Variants in USP24 observed in about 807,000 individuals in gnomAD.
USP24 encodes the protein ubiquitin carboxyl-terminal hydrolase 24.
USP24 carries 97 observed loss-of-function variants against 361.6 expected under a neutral mutation model. The ratio of observed to expected loss-of-function variants is 0.27; its 90% confidence interval spans 0.23 to 0.32. The LOEUF (loss-of-function observed/expected upper bound fraction) is 0.32. Ranked by LOEUF, USP24 falls within the 10% of genes least tolerant of loss-of-function variation. USP24 has a pLI of 1.00. For missense variants in USP24, 2,353 were observed against 3,165.6 expected, an observed-to-expected ratio of 0.74 and a Z score of 6.16; for synonymous variants, 1,098 against 1,124.6, an observed-to-expected ratio of 0.98 and a Z score of 0.47.
intron 1 of USP24, among the ~76,000 whole-genome samples, chr1:55,204,908 T>C (rs1644666949): frequency 6.6e-6 from 1 of 152,206 alleles, no homozygotes; most frequent in South Asian, 2.1e-4. Context: ...TTAAATCTAG[T>C]TTTTATTCTG....
intron 1 of USP24, among the ~76,000 whole-genome samples, chr1:55,197,036 A>C: frequency 6.6e-6 from 1 of 152,244 alleles, no homozygotes; most frequent in East Asian, 1.9e-4. Context: ...TTCATACTAT[A>C]ATAGCTAAGT....
intron 38 of USP24, among the ~76,000 whole-genome samples, chr1:55,115,427 C>A (rs1388321192): frequency 7.9e-6 from 1 of 125,918 alleles, no homozygotes; most frequent in Non-Finnish European, 1.6e-5. Context: ...ACCTGGGAGG[C>A]GGAGCTTGCA....
chr1:55,079,115 G>A (rs906685056), intron 60 of USP24, among the ~76,000 whole-genome samples: 18 of 152,152 alleles, frequency 1.2e-4, no homozygotes, highest in Non-Finnish European at 2.9e-5. Context: ...GGGAAGGTTG[G>A]ATTGAGGATG....
chr1:55,115,131 GA>G (rs1169414515), intron 38 of USP24, among the ~76,000 whole-genome samples: 3 of 151,920 alleles, frequency 2.0e-5, no homozygotes, highest in African/African-American at 7.3e-5. Flanking sequence ...CAAGAAACAT[GA>G]AAAAAAGCTC....
chr1:55,089,928 G>A (rs1645338106), intron 54 of USP24, among the ~76,000 whole-genome samples, 188 bp from the exon 55 acceptor site: 1 of 152,154 alleles, frequency 6.6e-6, no homozygotes, highest in Admixed American at 6.5e-5. Context: ...TACTCTGGAA[G>A]TCAGTGCTTT....
chr1:55,191,279 T>C (rs901229675), intron 1 of USP24, among the ~76,000 whole-genome samples: 3 of 152,222 alleles, frequency 2.0e-5, no homozygotes, highest in African/African-American at 7.2e-5. Context: ...CATACTCATC[T>C]CTTCAGTATT....
chr1:55,212,328 CCAAA>C (rs1644864922), intron 1 of USP24, among the ~76,000 whole-genome samples: 1 of 152,150 alleles, frequency 6.6e-6, no homozygotes, highest in South Asian at 2.1e-4. Context: ...CATACTGTTA[CCAAA>C]CAAATTTAAT....
rs1450379944 is a variant in USP24 at position 55,125,562 on chromosome 1, A to C, written c.3732-14T>G. ...ACAAGTAAAAATCTTAAAAAGAAACAGCTAGACTTATTCTGAGTCCATTCA... is the reference window on the plus strand; with the variant it reads ...ACAAGTAAAAATCTTAAAAAGAAACCGCTAGACTTATTCTGAGTCCATTCA... On this transcript the variant is annotated splice_polypyrimidine_tract_variant and intron_variant, in intron 33 of 67. Coordinates refer to ENST00000294383, the MANE Select transcript of USP24 (RefSeq NM_015306.3). 6.2e-7 allele frequency: 1 copy of C among 1,605,490 alleles called. No individual in the cohort carries two copies. The highest frequency in any genetic ancestry group is 1.3e-5 in the African/African-American group (1 of 74,800).
At chr1:55,149,901 C>T (rs941845718) in intron 16 of USP24, among the ~76,000 whole-genome samples, 5 of 152,180 alleles carry the variant, frequency 3.3e-5, no homozygotes, top group African/African-American at 1.2e-4. Context: ...CACTAACTAA[C>T]CAGTTGTGTC....
intron 33 of USP24, 40 bp from the exon 34 acceptor site, chr1:55,125,588 T>C: frequency 2.5e-6 from 4 of 1,589,724 alleles, no homozygotes; most frequent in Middle Eastern, 1.7e-4. Flanking sequence ...AGTCCATTCA[T>C]ACTATTTAAA....
Position 55,106,030 on chromosome 1 carries a change from A to G in USP24, c.4880+116T>C, listed in dbSNP as rs182264748. ...TGCATTTCTTCATTTAGTGGATAAT[A>G]TAGGATACACAGACTCACAGATGGA... On this transcript the variant is annotated intron_variant, in intron 41 of 67. Transcript: ENST00000294383. The G allele has an allele frequency of 4.1e-4, 335 of 817,876 alleles. 3 individuals are homozygous for G. Among genetic ancestry groups the G allele is most frequent in the East Asian group, 4.1e-3 (153 of 37,692 alleles). 50.7% of individuals were successfully genotyped at this position (817,876 alleles called of 1,614,324 possible). A position where few individuals can be genotyped will look rare whatever the true frequency, so the allele number is the denominator to read the frequency against.
At chr1:55,128,278 C>T (rs1345780656) in intron 32 of USP24, among the ~76,000 whole-genome samples, 3 of 152,190 alleles carry the variant, frequency 2.0e-5, no homozygotes, top group Non-Finnish European at 2.9e-5. Flanking sequence ...GTCTACCCTT[C>T]CTCCAGTCTC....
At chr1:55,212,894 C>T (rs1312829830) in intron 1 of USP24, among the ~76,000 whole-genome samples, 1 of 152,152 alleles carries the variant, frequency 6.6e-6, no homozygotes, top group Non-Finnish European at 1.5e-5. Context: ...TACCGCAAAC[C>T]AAACTCCTTA....
intron 41 of USP24, among the ~76,000 whole-genome samples, chr1:55,105,028 A>C (rs1645733716): frequency 6.6e-6 from 1 of 152,258 alleles, no homozygotes; most frequent in African/African-American, 2.4e-5. Flanking sequence ...ACCATTCAGT[A>C]CAATGGGGAG....
intron 67 of USP24, among the ~76,000 whole-genome samples, chr1:55,070,837 C>G (rs760672854): frequency 6.6e-6 from 1 of 152,110 alleles, no homozygotes; most frequent in Non-Finnish European, 1.5e-5. Flanking sequence ...AAAGCTCTGC[C>G]AAGGTGGGCG....
Position 55,114,675 on chromosome 1 carries a change from A to G in USP24, c.4509-4429T>C, listed in dbSNP as rs980122022. ...TCCCTATTTAATAAATGTTTTTGGG[A>G]AAACTGTCTAGCTATATGCTGAAAA... On this transcript the variant is annotated intron_variant, in intron 38 of 67. Transcript: ENST00000294383. 5.9e-5 allele frequency among the ~76,000 whole-genome samples: 9 copies of G among 152,324 alleles called. No homozygotes were observed. In the Middle Eastern group the frequency reaches 0.01, roughly 174 times the overall value.
At chr1:55,097,258 G>A (rs961110535) in intron 48 of USP24, 86 bp from the exon 49 acceptor site, 10 of 1,431,100 alleles carry the variant, frequency 7.0e-6, no homozygotes, top group South Asian at 2.7e-5. Flanking sequence ...ATAAGAGGAA[G>A]TGTTTTCCTA....
rs779550128 is a variant in USP24, at chr1:55,079,547, G to A, written c.7191C>T (p.Tyr2397=). The change falls in exon 60 of 68, where the codon TAC becomes TAT. Residue 2397 remains tyrosine, a synonymous_variant. Transcript: ENST00000294383. ...AATAACAAGTACATACCTCTAACAG[G>A]TAAGGTTTCCCTTCAGACATGAACA... ...ALLFMSEGKP[Y]LLEVMFALRE... 1.3e-6 allele frequency: 2 copies of A among 1,573,044 alleles called. No individual in the cohort carries two copies. Among genetic ancestry groups the A allele is most frequent in the Non-Finnish European group, 1.7e-6 (2 of 1,166,608 alleles).
chr1:55,157,816 A>G (rs910087747), intron 10 of USP24, among the ~76,000 whole-genome samples: 11 of 150,626 alleles, frequency 7.3e-5, no homozygotes, highest in African/African-American at 2.7e-4. Flanking sequence ...CCTGGGTGAC[A>G]GAGCGAGACT....
Sources: gnomAD v4.1 joint callset for allele counts (sites outside exome capture counted in the v4.1 genomes callset) on GRCh38, gnomAD v4.1.1 for gene constraint, MANE v1.5 for transcripts, NCBI Gene and HGNC (gene_info 2026-07-23, HGNC 2026-07-21) for gene names.